ERC2: variants seen among roughly 807,000 people sequenced by gnomAD.
ERC2 encodes the protein ERC protein 2.
In ERC2, 42 loss-of-function variants were observed where a neutral mutation model predicts 114.8. The ratio of observed to expected loss-of-function variants is 0.37; its 90% CI spans 0.29 to 0.47. ERC2 has a LOEUF of 0.47. ERC2 is among the 20% of genes least tolerant of loss of function. The pLI is 0.99. For synonymous variants in ERC2, 454 were observed against 425.5 expected (o/e 1.07, Z -0.82); for missense variants, 939 against 1,150.7 (o/e 0.82, Z 2.66).
intron 6 of ERC2, among the ~76,000 whole-genome samples, chr3:56,108,360 C>T (rs114295361): frequency 0.022 from 3,269 of 151,510 alleles, 44 homozygotes; most frequent in Non-Finnish European, 0.033. Flanking sequence ...GAACAACACA[C>T]AAAAAATATT....
chr3:56,081,637 T>A (rs1393849677), intron 6 of ERC2, among the ~76,000 whole-genome samples: 1 of 151,936 alleles, frequency 6.6e-6, no homozygotes, highest in Middle Eastern at 3.4e-3. Flanking sequence ...TTAAAAAAAA[T>A]ATAATTCCTG....
intron 14 of ERC2, among the ~76,000 whole-genome samples, chr3:55,823,899 A>C (rs1391560243): frequency 6.6e-6 from 1 of 152,098 alleles, no homozygotes; most frequent in Non-Finnish European, 1.5e-5. Flanking sequence ...GAACAACAGA[A>C]ACTTATTTCT....
chr3:56,424,518 C>T (rs1482252179), intron 2 of ERC2, among the ~76,000 whole-genome samples: 1 of 152,200 alleles, frequency 6.6e-6, no homozygotes, highest in African/African-American at 2.4e-5. Context: ...AGGCCAAAAC[C>T]AGCTGACATC....
intron 3 of ERC2, among the ~76,000 whole-genome samples, chr3:56,232,624 C>A (rs538030145): frequency 2.0e-5 from 3 of 152,314 alleles, no homozygotes; most frequent in African/African-American, 7.2e-5. Flanking sequence ...AATGCTCAAC[C>A]AGCAACCCAA....
At chr3:56,405,656 T>TAGAC (rs750716060) in intron 2 of ERC2, among the ~76,000 whole-genome samples, 1 of 151,978 alleles carries the variant, frequency 6.6e-6, no homozygotes, top group Non-Finnish European at 1.5e-5. Flanking sequence ...GATAGATAGA[T>TAGAC]AGACAGATAG....
chr3:56,018,796 AAAG>A, intron 8 of ERC2, 95 bp downstream of exon 8: 1 of 1,371,628 alleles, frequency 7.3e-7, no homozygotes, highest in Non-Finnish European at 1.0e-6. Context: ...AGTGTTAGCA[AAAG>A]AAGAAAAGCA....
chr3:55,921,112 A>G (rs1244213201), intron 13 of ERC2, among the ~76,000 whole-genome samples: 1 of 152,158 alleles, frequency 6.6e-6, no homozygotes, highest in African/African-American at 2.4e-5. Flanking sequence ...TGTTTGTGCA[A>G]TTAGGCAATA....
chr3:56,048,765 T>G (rs1454319597), intron 7 of ERC2, among the ~76,000 whole-genome samples: 1 of 152,218 alleles, frequency 6.6e-6, no homozygotes, highest in African/African-American at 2.4e-5. Context: ...CCTGCCTCTG[T>G]AGAGCTTGTG....
Position 56,010,600 on chromosome 3 carries a change from A to T in ERC2, c.1780-11T>A. 6.2e-7 allele frequency: 1 copy of T among 1,610,932 alleles called. No individual in the cohort carries two copies. The highest frequency in any genetic ancestry group is 8.5e-7 in the Non-Finnish European group (1 of 1,179,084). ...CTCAATTATTCTCTCCTGTAAGGCAATTAACAAAAAAGAAGAGGTGAGAAC... is the reference window on the plus strand; with the variant it reads ...CTCAATTATTCTCTCCTGTAAGGCATTTAACAAAAAAGAAGAGGTGAGAAC... On this transcript the variant is annotated splice_polypyrimidine_tract_variant and intron_variant, in intron 8 of 17. Transcript: ENST00000288221.
intron 6 of ERC2, among the ~76,000 whole-genome samples, chr3:56,082,119 G>C (rs189922371): frequency 6.6e-6 from 1 of 152,070 alleles, no homozygotes; most frequent in East Asian, 1.9e-4. Context: ...CAATTATCTT[G>C]CTGCCACTTC....
intron 13 of ERC2, among the ~76,000 whole-genome samples, chr3:55,892,416 G>A (rs1229690988): frequency 6.6e-6 from 1 of 152,180 alleles, no homozygotes; most frequent in African/African-American, 2.4e-5. Context: ...CAGCTACCCT[G>A]GGGGGCTGAG....
intron 2 of ERC2, among the ~76,000 whole-genome samples, chr3:56,355,130 T>C (rs1032768143): frequency 1.3e-5 from 2 of 152,142 alleles, no homozygotes; most frequent in African/African-American, 4.8e-5. Context: ...TCACAAATCA[T>C]TGTGAGTGAA....
At chr3:55,873,054 T>C (rs1219250035) in intron 14 of ERC2, among the ~76,000 whole-genome samples, 1 of 152,134 alleles carries the variant, frequency 6.6e-6, no homozygotes, top group Non-Finnish European at 1.5e-5. Flanking sequence ...AAACACAGGA[T>C]AGGCCCCACA....
At chr3:56,441,576 T>C (rs1362347316) in intron 1 of ERC2, among the ~76,000 whole-genome samples, 2 of 152,244 alleles carry the variant, frequency 1.3e-5, no homozygotes, top group Non-Finnish European at 2.9e-5. Context: ...AATATTCAGA[T>C]TGATAAAGCT....
intron 9 of ERC2, among the ~76,000 whole-genome samples, chr3:56,009,853 C>G (rs564800777): frequency 6.6e-6 from 1 of 152,184 alleles, no homozygotes; most frequent in Non-Finnish European, 1.5e-5. Flanking sequence ...TTTAAAAACA[C>G]AGGTGGCATT....
At chr3:55,889,673 TC>T (rs113865790) in intron 13 of ERC2, among the ~76,000 whole-genome samples, 1,580 of 152,282 alleles carry the variant, frequency 0.01, 30 homozygotes, top group African/African-American at 0.036. Flanking sequence ...GGCTGTGTCC[TC>T]CCTGCTGATC....
At chr3:56,347,941 C>T (rs2058369900) in intron 2 of ERC2, among the ~76,000 whole-genome samples, 2 of 152,188 alleles carry the variant, frequency 1.3e-5, no homozygotes, top group Non-Finnish European at 2.9e-5. Flanking sequence ...GCTTCTGTCT[C>T]TAACTCAGCC....
chr3:55,868,593 G>A (rs567901110), intron 14 of ERC2, among the ~76,000 whole-genome samples: 14 of 152,308 alleles, frequency 9.2e-5, no homozygotes, highest in African/African-American at 2.6e-4. Flanking sequence ...GGCTGAAGCC[G>A]TCCTAGCCCT....
chr3:56,100,206 G>T (rs887745077), intron 6 of ERC2, among the ~76,000 whole-genome samples: 1 of 152,074 alleles, frequency 6.6e-6, no homozygotes, highest in Non-Finnish European at 1.5e-5. Context: ...TTTGAATAAC[G>T]TTATTTTTCA....
Sources: gnomAD v4.1 joint callset for allele counts (sites outside exome capture counted in the v4.1 genomes callset) on GRCh38, gnomAD v4.1.1 for gene constraint, MANE v1.5 for transcripts, NCBI Gene and HGNC (gene_info 2026-07-23, HGNC 2026-07-21) for gene names.